ATP7B: variants seen among roughly 807,000 people sequenced by gnomAD.
The protein encoded by ATP7B is ATPase copper transporting beta.
A neutral mutation model predicts 118.9 loss-of-function variants in ATP7B; 113 were observed. The observed-to-expected ratio is 0.95, with a 90% CI of 0.82 to 1.11. The LOEUF is 1.11. Among genes scored for constraint, ATP7B ranks in the 50% most tolerant of loss-of-function variants. The probability of loss-of-function intolerance (pLI) is 0.00; values close to 1 mark genes in which losing one functional copy is unlikely to be tolerated. For missense variants in ATP7B, 1,867 were observed against 1,871.4 expected (o/e 1.00, Z 0.04); for synonymous variants, 777 against 727.4 (o/e 1.07, Z -1.10).
At position 51,974,115 on chromosome 13, in the gene ATP7B, T is replaced by G. The variant is rs756437932; in HGVS notation, c.1105A>C (p.Thr369Pro). The G allele has an allele frequency of 6.2e-7, 1 of 1,613,874 alleles. No homozygotes were observed. Among genetic ancestry groups the G allele is most frequent in the Non-Finnish European group, 8.5e-7 (1 of 1,180,016 alleles). ...STTLIAIAGM[T>P]CASCVHSIEG... ...ATGGAATGGACACAGGATGCACAGG[T>G]CATGCCGGCAATGGCAATCAGAGTG... Residue 369 changes from threonine (T) to proline (P), a missense_variant, in exon 2 of 21, where the codon ACC becomes CCC. Thr to Pro is a conservative substitution (Grantham distance 38). Transcript: ENST00000242839.
At chr13:51,965,771 G>C (rs1050497729) in intron 4 of ATP7B, among the ~76,000 whole-genome samples, 1 of 152,218 alleles carries the variant, frequency 6.6e-6, no homozygotes, top group Admixed American at 6.5e-5. Context: ...CAGCCTGAAG[G>C]CTCTCAAGCA....
intron 13 of ATP7B, 133 bp from the exon 14 acceptor site, chr13:51,944,424 T>A (rs1351081102): frequency 1.8e-6 from 2 of 1,134,682 alleles, no homozygotes; most frequent in African/African-American, 1.5e-5. Flanking sequence ...CCTAACGTGA[T>A]CCTCTGTCGT....
intron 2 of ATP7B, among the ~76,000 whole-genome samples, chr13:51,972,355 T>C (rs1171997835): frequency 6.6e-6 from 1 of 152,082 alleles, no homozygotes; most frequent in Non-Finnish European, 1.5e-5. Flanking sequence ...TCCTCCTCCC[T>C]CTAATTCTTT....
At chr13:51,957,690 TAG>T (rs956889425) in intron 8 of ATP7B, 83 bp from the exon 9 acceptor site, 8 of 1,358,038 alleles carry the variant, frequency 5.9e-6, no homozygotes, top group Non-Finnish European at 8.4e-6. Context: ...AGCGTGGTGT[TAG>T]AGACAGCTGG....
At chr13:51,988,730 A>G (rs1227347920) in intron 1 of ATP7B, among the ~76,000 whole-genome samples, 2 of 152,176 alleles carry the variant, frequency 1.3e-5, no homozygotes, top group African/African-American at 4.8e-5. Flanking sequence ...GGAGCCATAA[A>G]AAAGGATGAG....
At chr13:51,979,639 AT>A (rs1478163512) in intron 1 of ATP7B, among the ~76,000 whole-genome samples, 1 of 152,214 alleles carries the variant, frequency 6.6e-6, no homozygotes, top group Non-Finnish European at 1.5e-5. Flanking sequence ...ATAGTACCTT[AT>A]TAGGCAAAAA....
rs1593722956 is a variant in ATP7B at position 51,957,597 on chromosome 13, G to A, written c.2366C>T (p.Ser789Leu). Residue 789 changes from serine to leucine, a missense_variant, in exon 9 of 21, where the codon TCA becomes TTA. Physicochemically the swap from Ser to Leu is moderately radical, Grantham distance 145 (BLOSUM62 -2). Coordinates refer to ENST00000242839, the MANE Select transcript of ATP7B (RefSeq NM_000053.4). The part of the protein sequence containing the change: ...WLEHLAKSKT[S>L]EALAKLMSLQ... ...AGACATGAGTTTAGCCAGGGCTTCTGAGGTTTTGCTCTAGGAAATAACCAG... is the reference window on the plus strand; with the variant it reads ...AGACATGAGTTTAGCCAGGGCTTCTAAGGTTTTGCTCTAGGAAATAACCAG... The A allele has an allele frequency of 1.9e-6, 3 of 1,614,118 alleles. No homozygotes were observed. Among genetic ancestry groups the A allele is most frequent in the East Asian group, 2.2e-5 (1 of 44,894 alleles).
intron 1 of ATP7B, among the ~76,000 whole-genome samples, chr13:51,997,370 T>C (rs1953261113): frequency 1.3e-5 from 2 of 152,256 alleles, no homozygotes; most frequent in Non-Finnish European, 2.9e-5. Context: ...CATGAGATCA[T>C]TATAAATATA....
At chr13:51,998,477 G>A (rs531592015) in intron 1 of ATP7B, among the ~76,000 whole-genome samples, 1 of 152,260 alleles carries the variant, frequency 6.6e-6, no homozygotes, top group South Asian at 2.1e-4. Context: ...ATTATATACT[G>A]CTCAGAATGT....
In ATP7B at chr13:51,937,474, ACTCT is replaced by A; in HGVS notation, c.3901_3903+1del. On this transcript the variant is annotated splice_donor_variant and coding_sequence_variant, in exon 18 of 21. Coordinates refer to ENST00000242839, the MANE Select transcript of ATP7B (RefSeq NM_000053.4). LOFTEE classifies it high-confidence loss of function. Reference sequence around the variant, plus strand: ...CCACAGCCTGGCTGCAGCCACGCTCACTCTGATAAGGACGACGTCGGCTGCCTCG... The same window carrying A: ...CCACAGCCTGGCTGCAGCCACGCTCAGATAAGGACGACGTCGGCTGCCTCG... 1 of 1,613,930 alleles carries A rather than the reference ACTCT, an allele frequency of 6.2e-7. No homozygotes were observed. The highest frequency in any genetic ancestry group is 8.5e-7 in the Non-Finnish European group (1 of 1,179,970).
intron 1 of ATP7B, among the ~76,000 whole-genome samples, chr13:51,997,697 G>C (rs1038074424): frequency 2.0e-5 from 3 of 152,208 alleles, no homozygotes; most frequent in African/African-American, 7.2e-5. Context: ...GAAGACCCAG[G>C]AGAGGAGGGA....
intron 1 of ATP7B, among the ~76,000 whole-genome samples, chr13:51,977,251 C>G (rs968314112): frequency 2.9e-5 from 4 of 138,226 alleles, no homozygotes; most frequent in Non-Finnish European, 6.3e-5. Context: ...TTTTTACTTT[C>G]GACTCTTTTG....
intron 9 of ATP7B, among the ~76,000 whole-genome samples, chr13:51,952,015 C>T (rs927646104): frequency 1.3e-5 from 2 of 152,108 alleles, no homozygotes; most frequent in African/African-American, 4.8e-5. Context: ...AGAGAGCACG[C>T]AGTGAGAAGG....
At position 51,998,309 on chromosome 13, in the gene ATP7B, C is replaced by G. The variant is rs540030814; in HGVS notation, c.51+12978G>C. 1.4e-4 allele frequency among the ~76,000 whole-genome samples: 21 copies of G among 152,332 alleles called. No individual in the cohort carries two copies. In the South Asian group the frequency reaches 4.3e-3, roughly 32 times the overall value. Reference sequence around the variant, plus strand: ...ATGTGCTCACTTTGGGAAACGTGGTCAGATCCTGGAACACAAGGATCTCAT... The same window carrying G: ...ATGTGCTCACTTTGGGAAACGTGGTGAGATCCTGGAACACAAGGATCTCAT... On this transcript the variant is annotated intron_variant, in intron 1 of 20. Coordinates refer to ENST00000242839, the MANE Select transcript of ATP7B (RefSeq NM_000053.4).
At chr13:51,958,980 A>T (rs1166273380) in intron 7 of ATP7B, 3 of 219,648 alleles carry the variant, frequency 1.4e-5, no homozygotes, top group Non-Finnish European at 2.8e-5. Flanking sequence ...CATTTCAGTT[A>T]AAAAAGTCTG....
chr13:51,981,014 T>C (rs1348412133), intron 1 of ATP7B, among the ~76,000 whole-genome samples: 1 of 152,222 alleles, frequency 6.6e-6, no homozygotes, highest in Middle Eastern at 3.2e-3. Context: ...AGTGTTATTT[T>C]ATGAGGATGG....
rs746360002 is a variant in ATP7B at position 51,974,532 on chromosome 13, T to C, written c.688A>G (p.Thr230Ala). 1.2e-6 allele frequency: 2 copies of C among 1,614,262 alleles called. No homozygotes were observed. Among genetic ancestry groups the C allele is most frequent in the Middle Eastern group, 1.6e-4 (1 of 6,062 alleles). ...GPIDIERLQS[T>A]NPKRPLSSAN... ...GAAGATAAAGGTCTCTTTGGGTTAGTGCTTTGTAACCGCTCAATATCAATT... is the reference window on the plus strand; with the variant it reads ...GAAGATAAAGGTCTCTTTGGGTTAGCGCTTTGTAACCGCTCAATATCAATT... Residue 230 changes from threonine (T) to alanine (A), a missense_variant, in exon 2 of 21, where the codon ACT (threonine) becomes GCT (alanine). Physicochemically the swap from Thr to Ala is moderately conservative, Grantham distance 58. Coordinates refer to ENST00000242839, the MANE Select transcript of ATP7B (RefSeq NM_000053.4).
intron 4 of ATP7B, chr13:51,967,207 A>C (rs1951595413): frequency 8.5e-7 from 1 of 1,182,782 alleles, no homozygotes; most frequent in African/African-American, 1.5e-5. Context: ...GCTCAGTTCA[A>C]TGAGCAAATC....
chr13:51,981,059 AAGG>A (rs1952390616), intron 1 of ATP7B, among the ~76,000 whole-genome samples: 1 of 152,190 alleles, frequency 6.6e-6, no homozygotes, highest in African/African-American at 2.4e-5. Context: ...GCAATTCTAG[AAGG>A]AGATATTATC....
Sources: gnomAD v4.1 joint callset for allele counts (sites outside exome capture counted in the v4.1 genomes callset) on GRCh38, gnomAD v4.1.1 for gene constraint, MANE v1.5 for transcripts, NCBI Gene and HGNC (gene_info 2026-07-23, HGNC 2026-07-21) for gene names.